The following RSU1 variants were observed in gnomAD, a reference collection of about 807,000 sequenced individuals.
The protein encoded by RSU1 is rsu-1.
Under a neutral mutation model 31.1 loss-of-function variants are expected in RSU1, and 26 were observed. The observed-to-expected ratio is 0.84, with a 90% CI of 0.61 to 1.16. The LOEUF (loss-of-function observed/expected upper bound fraction) is 1.16. Ranked by LOEUF, RSU1 falls within the 50% of genes most tolerant of loss-of-function variation. The pLI is 0.00. For synonymous variants in RSU1, 164 were observed against 136.3 expected (o/e 1.20, Z -1.41); for missense variants, 320 against 339.1 (o/e 0.94, Z 0.44).
chr10:16,686,135 C>T (rs1225544768), intron 8 of RSU1, among the ~76,000 whole-genome samples: 1 of 152,058 alleles, frequency 6.6e-6, no homozygotes, highest in South Asian at 2.1e-4. Flanking sequence ...ATTTAAAAAA[C>T]CCCACAAAAC....
intron 6 of RSU1, 83 bp from the exon 7 acceptor site, chr10:16,752,736 TC>T (rs1391605937): frequency 8.9e-7 from 1 of 1,120,572 alleles, no homozygotes; most frequent in African/African-American, 1.5e-5. Flanking sequence ...TGTCCTCTCT[TC>T]TACTAAAGCT....
chr10:16,611,731 C>G (rs1349373308), intron 8 of RSU1, among the ~76,000 whole-genome samples: 2 of 152,184 alleles, frequency 1.3e-5, no homozygotes, highest in Non-Finnish European at 2.9e-5. Flanking sequence ...AAATACACAG[C>G]AAGCAACGCT....
rs199718142 is a variant in RSU1 at position 16,695,161 on chromosome 10, G to C, written c.599-6C>G. 1,551 of 1,483,248 alleles carry C rather than the reference G, an allele frequency of 1.0e-3. 34 individuals are homozygous for C. Among genetic ancestry groups the C allele is most frequent in the Non-Finnish European group, 1.1e-3 (1,249 of 1,102,246 alleles). 91.9% of individuals were successfully genotyped at this position (1,483,248 alleles called of 1,614,324 possible). On this transcript the variant is annotated splice_region_variant and splice_polypyrimidine_tract_variant and intron_variant, in intron 7 of 8. Coordinates refer to ENST00000345264, the MANE Select transcript of RSU1 (RefSeq NM_012425.4). ...GCCAGTTAAATCCAAGTTTCCTGGG[G>C]GGGGGGAAAAAAAAAGTGAAGGTCA...
intron 7 of RSU1, among the ~76,000 whole-genome samples, chr10:16,725,952 T>C (rs1204044257): frequency 2.0e-5 from 3 of 150,940 alleles, no homozygotes; most frequent in African/African-American, 7.3e-5. Context: ...CAAAACTATT[T>C]TGAAAATTAC....
intron 7 of RSU1, among the ~76,000 whole-genome samples, chr10:16,706,373 G>A (rs1249871926): frequency 6.6e-6 from 1 of 152,004 alleles, no homozygotes; most frequent in African/African-American, 2.4e-5. Context: ...ATTTTTTCAT[G>A]TGCTTATTGG....
intron 2 of RSU1, among the ~76,000 whole-genome samples, chr10:16,814,631 G>C (rs754955473): frequency 6.6e-6 from 1 of 152,138 alleles, no homozygotes; most frequent in Admixed American, 6.5e-5. Context: ...GAAGTCCTGA[G>C]GTCAGGGAGT....
intron 2 of RSU1, among the ~76,000 whole-genome samples, chr10:16,784,541 A>G (rs80034827): frequency 0.12 from 18,108 of 152,056 alleles, 1,539 homozygotes; most frequent in African/African-American, 0.23. Context: ...ATGGGGTATT[A>G]GCCTGTTCTC....
At chr10:16,603,303 T>C (rs894232830) in intron 8 of RSU1, among the ~76,000 whole-genome samples, 1 of 152,236 alleles carries the variant, frequency 6.6e-6, no homozygotes, top group African/African-American at 2.4e-5. Flanking sequence ...CCATATATTC[T>C]AGACTCACGA....
At chr10:16,732,726 G>A (rs570542483) in intron 7 of RSU1, among the ~76,000 whole-genome samples, 1 of 152,334 alleles carries the variant, frequency 6.6e-6, no homozygotes, top group South Asian at 2.1e-4. Context: ...GACACCTGGT[G>A]TTCCAATTTA....
Position 16,791,467 on chromosome 10 carries a change from G to A in RSU1, c.110-9383C>T, listed in dbSNP as rs541371688. On this transcript the variant is annotated intron_variant, in intron 2 of 8. Transcript: ENST00000345264. ...GACATAGTGAAATCCCATCTCTACC[G>A]AAGTACAAAAAATTAGTCGGGCATG... Among the ~76,000 whole-genome samples the A allele has an allele frequency of 5.9e-5, 9 of 151,932 alleles. No individual in the cohort carries two copies. The East Asian group carries it at 1.6e-3, about 26-fold the overall frequency.
intron 2 of RSU1, among the ~76,000 whole-genome samples, chr10:16,796,048 T>TG (rs1838023929): frequency 6.6e-6 from 1 of 152,204 alleles, no homozygotes; most frequent in East Asian, 1.9e-4. Context: ...CTAAACCTGC[T>TG]GTCTGTACAA....
Position 16,683,314 on chromosome 10 carries a change from C to T in RSU1, c.731+11709G>A, listed in dbSNP as rs28671774. On this transcript the variant is annotated intron_variant, in intron 8 of 8. Coordinates refer to ENST00000345264, the MANE Select transcript of RSU1 (RefSeq NM_012425.4). ...GAAAATGAAGGAACAAATTCATAAA[C>T]AACTCAATGCCGTTTCTGGGCATTT... is the stretch of plus-strand genomic sequence containing the variant. Among the ~76,000 whole-genome samples, 5 of 151,838 alleles carry T rather than the reference C, an allele frequency of 3.3e-5. No individual in the cohort carries two copies. The East Asian group carries it at 9.7e-4, about 29-fold the overall frequency.
intron 8 of RSU1, among the ~76,000 whole-genome samples, chr10:16,608,861 G>A (rs913998641): frequency 2.0e-5 from 3 of 152,128 alleles, no homozygotes; most frequent in Non-Finnish European, 4.4e-5. Context: ...CTAGTTTAGG[G>A]ACAGGGTCTT....
chr10:16,746,708 T>C (rs1836863071), intron 7 of RSU1, among the ~76,000 whole-genome samples: 1 of 149,408 alleles, frequency 6.7e-6, no homozygotes, highest in Admixed American at 6.7e-5. Flanking sequence ...GTTGACCTAT[T>C]CTGAGGATTG....
intron 7 of RSU1, among the ~76,000 whole-genome samples, chr10:16,695,663 C>T (rs561883268): frequency 3.1e-4 from 47 of 152,150 alleles, no homozygotes; most frequent in Non-Finnish European, 6.6e-4. Flanking sequence ...GGAATCAGCC[C>T]TAAATGAATC....
chr10:16,714,641 C>A (rs1180609022), intron 7 of RSU1, among the ~76,000 whole-genome samples: 1 of 152,068 alleles, frequency 6.6e-6, no homozygotes, highest in East Asian at 1.9e-4. Flanking sequence ...GGTTTGAACA[C>A]TGGGGTCTCA....
At chr10:16,649,773 C>T (rs1472557996) in intron 8 of RSU1, among the ~76,000 whole-genome samples, 2 of 152,136 alleles carry the variant, frequency 1.3e-5, no homozygotes, top group Non-Finnish European at 2.9e-5. Context: ...CCAGAAATGA[C>T]TCCTGTAATC....
intron 2 of RSU1, among the ~76,000 whole-genome samples, chr10:16,788,878 A>G (rs1295779736): frequency 6.6e-6 from 1 of 152,246 alleles, no homozygotes; most frequent in Non-Finnish European, 1.5e-5. Context: ...GCTAAAAATT[A>G]GGGGTTTTAT....
At chr10:16,765,099 T>C (rs1837286833) in intron 3 of RSU1, among the ~76,000 whole-genome samples, 1 of 152,118 alleles carries the variant, frequency 6.6e-6, no homozygotes, top group South Asian at 2.1e-4. Context: ...TATGATCTTA[T>C]AGGTGCAATT....
Sources: gnomAD v4.1 joint callset for allele counts (sites outside exome capture counted in the v4.1 genomes callset) on GRCh38, gnomAD v4.1.1 for gene constraint, MANE v1.5 for transcripts, NCBI Gene and HGNC (gene_info 2026-07-23, HGNC 2026-07-21) for gene names.